Variants in ST7 observed in about 807,000 individuals in gnomAD.
The protein encoded by ST7 is suppressor of tumorigenicity 7 protein.
Under a neutral mutation model 78.7 loss-of-function variants are expected in ST7, and 28 were observed. That is an observed-to-expected ratio of 0.36 (90% CI 0.26 to 0.49). The LOEUF (loss-of-function observed/expected upper bound fraction) is 0.49. Ranked by LOEUF, ST7 falls within the 20% of genes least tolerant of loss-of-function variation. ST7 has a pLI of 0.99. For synonymous variants in ST7, 247 were observed against 249.6 expected, an observed-to-expected ratio of 0.99 and a Z score of 0.10; for missense variants, 418 against 696.0, an observed-to-expected ratio of 0.60 and a Z score of 4.49.
chr7:117,118,031 A>G (rs1803031642), intron 2 of ST7: 1 of 152,302 alleles, frequency 6.6e-6, no homozygotes, highest in African/African-American at 2.4e-5. Flanking sequence ...TCTTAACTTG[A>G]TAGTATATTC....
chr7:117,115,117 C>A (rs1350590129), intron 2 of ST7, among the ~76,000 whole-genome samples: 3 of 151,950 alleles, frequency 2.0e-5, no homozygotes, highest in African/African-American at 7.3e-5. Flanking sequence ...AGGTCCAAAC[C>A]ACTTCCTCAG....
chr7:116,953,856 G>A (rs1402365075), intron 1 of ST7, 165 bp downstream of exon 1: 1 of 287,058 alleles, frequency 3.5e-6, no homozygotes, highest in Non-Finnish European at 5.2e-6. Context: ...TAGGCGGCGG[G>A]GCCGGGCAGC....
At chr7:117,097,904 A>ATTTT (rs1171743827) in intron 1 of ST7, among the ~76,000 whole-genome samples, 12 of 33,698 alleles carry the variant, frequency 3.6e-4, no homozygotes, top group Non-Finnish European at 5.4e-4. Context: ...ATATATATAT[A>ATTTT]TATATTTTTT....
intron 1 of ST7, among the ~76,000 whole-genome samples, chr7:116,985,313 T>C (rs1794144571): frequency 6.6e-6 from 1 of 152,224 alleles, no homozygotes; most frequent in Admixed American, 6.5e-5. Flanking sequence ...TTGAAATGTG[T>C]GCGAAATTGG....
intron 1 of ST7, among the ~76,000 whole-genome samples, chr7:117,031,862 C>A (rs996643308): frequency 8.4e-6 from 1 of 119,408 alleles, no homozygotes; most frequent in Non-Finnish European, 1.7e-5. Flanking sequence ...CTATATCTAT[C>A]TATCTATCTA....
intron 1 of ST7, among the ~76,000 whole-genome samples, chr7:116,990,009 C>T (rs1337671303): frequency 1.3e-5 from 2 of 152,112 alleles, no homozygotes; most frequent in East Asian, 1.9e-4. Flanking sequence ...GGCACGATCT[C>T]GGCTCACTGC....
intron 3 of ST7, among the ~76,000 whole-genome samples, chr7:117,127,250 C>T (rs1309374812): frequency 1.3e-5 from 2 of 151,900 alleles, no homozygotes; most frequent in Non-Finnish European, 2.9e-5. Context: ...GATCTAAGTA[C>T]TTCCTGACTT....
chr7:117,015,823 T>C (rs2115966006), intron 1 of ST7, among the ~76,000 whole-genome samples: 1 of 152,276 alleles, frequency 6.6e-6, no homozygotes, highest in East Asian at 1.9e-4. Context: ...TGCTGACAGA[T>C]TGCTTTTAAA....
At chr7:116,986,019 G>A (rs1173084280) in intron 1 of ST7, among the ~76,000 whole-genome samples, 1 of 152,208 alleles carries the variant, frequency 6.6e-6, no homozygotes, top group Admixed American at 6.5e-5. Context: ...TTTTAGTACA[G>A]ATGAGGTTTT....
chr7:117,017,688 T>C (rs1795681612), intron 1 of ST7, among the ~76,000 whole-genome samples: 1 of 152,188 alleles, frequency 6.6e-6, no homozygotes, highest in Non-Finnish European at 1.5e-5. Context: ...TTCATTTTTC[T>C]TCATTACATT....
At chr7:117,034,990 C>T (rs1471418657) in intron 1 of ST7, among the ~76,000 whole-genome samples, 1 of 152,146 alleles carries the variant, frequency 6.6e-6, no homozygotes, top group Non-Finnish European at 1.5e-5. Flanking sequence ...TTGCTACCCT[C>T]CAAGACTTAT....
intron 1 of ST7, among the ~76,000 whole-genome samples, chr7:117,062,159 CTCT>C (rs553625094): frequency 5.9e-5 from 9 of 152,236 alleles, no homozygotes; most frequent in South Asian, 2.1e-4. Context: ...CCTCTGGAGT[CTCT>C]TCTTATGAGG....
intron 3 of ST7, among the ~76,000 whole-genome samples, chr7:117,122,249 G>C (rs1171718291): frequency 1.3e-5 from 2 of 152,178 alleles, no homozygotes; most frequent in Non-Finnish European, 2.9e-5. Context: ...GATTGTGACA[G>C]AAGCCAAAGT....
chr7:116,960,440 C>T (rs1000193287), intron 1 of ST7, among the ~76,000 whole-genome samples: 17 of 152,158 alleles, frequency 1.1e-4, no homozygotes, highest in African/African-American at 2.2e-4. Context: ...CTGTCCCCCT[C>T]GGCCTCCCAG....
At chr7:116,958,821 C>A in intron 1 of ST7, 1 of 354,574 alleles carries the variant, frequency 2.8e-6, no homozygotes, top group Non-Finnish European at 5.4e-6. Flanking sequence ...TCCTTTATTG[C>A]TAAAAAAAAA....
At chr7:117,034,641 T>C (rs1796784414) in intron 1 of ST7, among the ~76,000 whole-genome samples, 1 of 152,232 alleles carries the variant, frequency 6.6e-6, no homozygotes, top group Non-Finnish European at 1.5e-5. Context: ...TAATCACTCA[T>C]TGGTTTATCT....
At chr7:116,981,197 C>T (rs1793944360) in intron 1 of ST7, among the ~76,000 whole-genome samples, 1 of 152,076 alleles carries the variant, frequency 6.6e-6, no homozygotes. Context: ...CAGCCTCGAC[C>T]TCCCAGGCTC....
chr7:117,109,988 A>C (rs2116875064), intron 2 of ST7, among the ~76,000 whole-genome samples: 1 of 152,352 alleles, frequency 6.6e-6, no homozygotes, highest in Non-Finnish European at 1.5e-5. Flanking sequence ...GACAAAATCC[A>C]GCACCCCTTT....
intron 1 of ST7, among the ~76,000 whole-genome samples, chr7:116,982,101 A>G (rs1224882888): frequency 6.6e-6 from 1 of 152,220 alleles, no homozygotes; most frequent in Non-Finnish European, 1.5e-5. Flanking sequence ...TTTGGTATAT[A>G]ATCTTGCACT....
Sources: gnomAD v4.1 joint callset for allele counts (sites outside exome capture counted in the v4.1 genomes callset) on GRCh38, gnomAD v4.1.1 for gene constraint, MANE v1.5 for transcripts, NCBI Gene and HGNC (gene_info 2026-07-23, HGNC 2026-07-21) for gene names.